Variants in ROBO1 observed in about 807,000 individuals in gnomAD.
The protein encoded by ROBO1 is roundabout guidance receptor 1.
In ROBO1, 149 loss-of-function variants were observed where a neutral mutation model predicts 195.9. The observed-to-expected ratio is 0.76, with a 90% CI of 0.67 to 0.87. ROBO1 has a LOEUF of 0.87. Among genes scored for constraint, ROBO1 ranks in the 40% least tolerant of loss-of-function variants. The pLI, the probability that ROBO1 is intolerant of heterozygous loss-of-function variation, is 0.00. For synonymous variants in ROBO1, 816 were observed against 733.2 expected (o/e 1.11, Z -1.82); for missense variants, 1,933 against 2,068.3 (o/e 0.93, Z 1.27).
At position 79,621,870 on chromosome 3, in the gene ROBO1, C is replaced by T. The variant is rs7433847; in HGVS notation, c.-50-31909G>A. Among the ~76,000 whole-genome samples the T allele has an allele frequency of 6.5e-3, 997 of 152,264 alleles. 5 individuals carry two copies. Among genetic ancestry groups the T allele is most frequent in the Non-Finnish European group, 0.011 (717 of 68,024 alleles). On this transcript the variant is annotated intron_variant, in intron 1 of 30. Coordinates refer to ENST00000464233, the MANE Select transcript of ROBO1 (RefSeq NM_002941.4). ...TTGCGCAGTTGAGACTACAAGGCAACTACGTAACAACATAATGACTGTAAT... is the reference window on the plus strand; with the variant it reads ...TTGCGCAGTTGAGACTACAAGGCAATTACGTAACAACATAATGACTGTAAT...
chr3:79,692,199 A>G (rs1483814184), intron 1 of ROBO1, among the ~76,000 whole-genome samples: 2 of 151,882 alleles, frequency 1.3e-5, no homozygotes, highest in Admixed American at 1.3e-4. Context: ...AAGTAACTAT[A>G]CTTTTAGAAC....
chr3:79,197,988 G>A (rs550923157), intron 2 of ROBO1, among the ~76,000 whole-genome samples: 23 of 151,800 alleles, frequency 1.5e-4, no homozygotes, highest in African/African-American at 3.6e-4. Flanking sequence ...TCTGTAGGGC[G>A]CCTGTTCACT....
intron 2 of ROBO1, among the ~76,000 whole-genome samples, chr3:79,429,403 T>C (rs2038583873): frequency 6.6e-6 from 1 of 152,078 alleles, no homozygotes; most frequent in Admixed American, 6.6e-5. Context: ...CCACAAGTCT[T>C]CAGTTTTGCT....
intron 1 of ROBO1, among the ~76,000 whole-genome samples, chr3:79,750,559 G>C (rs914490123): frequency 6.6e-6 from 1 of 152,188 alleles, no homozygotes; most frequent in Non-Finnish European, 1.5e-5. Context: ...AATCCAGTAG[G>C]AGGTGAATAA....
intron 4 of ROBO1, among the ~76,000 whole-genome samples, chr3:78,926,893 C>A (rs1179483860): frequency 2.0e-5 from 3 of 151,982 alleles, no homozygotes; most frequent in Non-Finnish European, 4.4e-5. Flanking sequence ...AAATTTAAAC[C>A]AATCTGGTTA....
intron 1 of ROBO1, among the ~76,000 whole-genome samples, chr3:79,652,277 C>G (rs1576180396): frequency 6.6e-6 from 1 of 151,950 alleles, no homozygotes; most frequent in Non-Finnish European, 1.5e-5. Context: ...GAGGCATGTC[C>G]ACTTTGTCTT....
At chr3:79,013,301 C>T (rs1367253839) in intron 3 of ROBO1, among the ~76,000 whole-genome samples, 1 of 152,184 alleles carries the variant, frequency 6.6e-6, no homozygotes, top group Non-Finnish European at 1.5e-5. Context: ...ACTCGAAAGC[C>T]ACGTGCATCT....
intron 3 of ROBO1, among the ~76,000 whole-genome samples, chr3:79,067,205 T>C (rs1402803104): frequency 1.3e-5 from 2 of 151,888 alleles, no homozygotes; most frequent in Admixed American, 6.6e-5. Context: ...CAGGAGAGCA[T>C]ATAATACTTA....
intron 1 of ROBO1, among the ~76,000 whole-genome samples, chr3:79,665,604 TA>T (rs1946454833): frequency 6.6e-6 from 1 of 151,918 alleles, no homozygotes; most frequent in East Asian, 1.9e-4. Flanking sequence ...GTCTGTAAAA[TA>T]TGATGCAGTG....
intron 3 of ROBO1, among the ~76,000 whole-genome samples, chr3:78,961,727 T>A (rs1365496447): frequency 1.3e-5 from 2 of 152,154 alleles, no homozygotes; most frequent in African/African-American, 2.4e-5. Context: ...CACTAAACTA[T>A]AATGTAAAAT....
At chr3:78,773,808 T>C (rs917565672) in intron 4 of ROBO1, among the ~76,000 whole-genome samples, 2 of 152,182 alleles carry the variant, frequency 1.3e-5, no homozygotes, top group African/African-American at 2.4e-5. Flanking sequence ...AAAATGTTGG[T>C]TGCCAAATAT....
chr3:79,584,180 T>A (rs62258647), intron 2 of ROBO1, among the ~76,000 whole-genome samples: 2 of 151,290 alleles, frequency 1.3e-5, no homozygotes, highest in Admixed American at 6.6e-5. Flanking sequence ...GAACTTATTT[T>A]ATCTATATGT....
intron 2 of ROBO1, among the ~76,000 whole-genome samples, chr3:79,212,837 A>T (rs1168398414): frequency 6.8e-6 from 1 of 147,064 alleles, no homozygotes; most frequent in Non-Finnish European, 1.5e-5. Context: ...ATAAAATAAA[A>T]TAAATAAAAT....
chr3:79,564,549 A>C (rs9838787), intron 2 of ROBO1, among the ~76,000 whole-genome samples: 144,472 of 152,098 alleles, frequency 0.95, 68,696 homozygotes, highest in East Asian at 1. Flanking sequence ...ACAAGGAGAT[A>C]TTTTATGAAT....
At chr3:78,833,982 G>T (rs1233390923) in intron 4 of ROBO1, among the ~76,000 whole-genome samples, 2 of 152,144 alleles carry the variant, frequency 1.3e-5, no homozygotes, top group Admixed American at 1.3e-4. Context: ...GAGAGAAGGG[G>T]ATGGGAAGCT....
At chr3:78,858,162 G>C (rs2034568118) in intron 4 of ROBO1, among the ~76,000 whole-genome samples, 1 of 152,064 alleles carries the variant, frequency 6.6e-6, no homozygotes. Context: ...TAGCTCATAA[G>C]GAGACTTATT....
intron 4 of ROBO1, among the ~76,000 whole-genome samples, chr3:78,761,979 A>G (rs1325899241): frequency 2.0e-5 from 3 of 152,130 alleles, no homozygotes; most frequent in South Asian, 4.1e-4. Flanking sequence ...TTTAGCTTTA[A>G]TAATGTGCAT....
intron 1 of ROBO1, among the ~76,000 whole-genome samples, chr3:79,663,288 A>C (rs956416662): frequency 6.6e-6 from 1 of 152,030 alleles, no homozygotes. Flanking sequence ...AAAAAATGCA[A>C]TGGTATAATG....
chr3:79,509,698 A>G (rs1940599303), intron 2 of ROBO1, among the ~76,000 whole-genome samples: 1 of 152,150 alleles, frequency 6.6e-6, no homozygotes, highest in Non-Finnish European at 1.5e-5. Flanking sequence ...ACAAGCACTC[A>G]ATACATCTTG....
Sources: gnomAD v4.1 joint callset for allele counts (sites outside exome capture counted in the v4.1 genomes callset) on GRCh38, gnomAD v4.1.1 for gene constraint, MANE v1.5 for transcripts, NCBI Gene and HGNC (gene_info 2026-07-23, HGNC 2026-07-21) for gene names.